The following WWP2 variants were observed in gnomAD, a reference collection of about 807,000 sequenced individuals.
The protein encoded by WWP2 is NEDD4-like E3 ubiquitin-protein ligase WWP2.
WWP2 carries 57 observed loss-of-function variants against 121.0 expected under a neutral mutation model. The observed-to-expected ratio is 0.47, with a 90% CI of 0.38 to 0.59. WWP2 has a LOEUF of 0.59. Among genes scored for constraint, WWP2 ranks in the 20% least tolerant of loss-of-function variants. The pLI, the probability that WWP2 is intolerant of heterozygous loss-of-function variation, is 0.00. For synonymous variants in WWP2, 449 were observed against 441.3 expected, an observed-to-expected ratio of 1.02 and a Z score of -0.22; for missense variants, 962 against 1,158.9, an observed-to-expected ratio of 0.83 and a Z score of 2.47.
intron 21 of WWP2, 84 bp from the exon 22 acceptor site, chr16:69,938,943 C>T (rs2058838303): frequency 3.0e-6 from 4 of 1,327,620 alleles, no homozygotes; most frequent in Non-Finnish European, 3.2e-6. Context: ...AAGAGGGGCC[C>T]CGCTGAGCTA....
At position 69,937,582 on chromosome 16, in the gene WWP2, G is replaced by A. The variant is rs201469783; in HGVS notation, c.2273G>A (p.Ser758Asn). Residue 758 changes from serine to asparagine, a missense_variant, in exon 21 of 24, where the codon AGC becomes AAC. By Grantham distance (46) the Ser-to-Asn change is conservative. This residue lies in a region of WWP2 where 606 missense variants were observed against 772.6 expected (regional missense o/e 0.78). Coordinates refer to ENST00000359154, the MANE Select transcript of WWP2 (RefSeq NM_001270454.2). This position sits in a 1 kb window ranked among gnomAD's most constrained non-coding sequence, Gnocchi z 6.6. ...MLCGMQEIDM[S>N]DWQKSTIYRH... is the part of the protein sequence containing the mutation. ...TGCGGCATGCAGGAGATAGACATGA[G>A]CGACTGGCAGAAGAGCACCATCTAC... The A allele has an allele frequency of 1.7e-5, 27 of 1,613,886 alleles. No individual in the cohort carries two copies. The highest frequency in any genetic ancestry group is 2.3e-5 in the Non-Finnish European group (27 of 1,180,016).
At chr16:69,879,964 G>T (rs2057797056) in intron 7 of WWP2, among the ~76,000 whole-genome samples, 1 of 151,676 alleles carries the variant, frequency 6.6e-6, no homozygotes, top group African/African-American at 2.4e-5. Context: ...CGTCAATAAT[G>T]TAAAAGTTCT....
intron 11 of WWP2, among the ~76,000 whole-genome samples, chr16:69,928,534 G>A (rs1375640024): frequency 6.6e-6 from 1 of 152,148 alleles, no homozygotes; most frequent in Non-Finnish European, 1.5e-5. Flanking sequence ...AGATTGTTCA[G>A]AGCAGAGGAA....
At chr16:69,860,575 T>C (rs1159287947) in intron 6 of WWP2, among the ~76,000 whole-genome samples, 1 of 152,200 alleles carries the variant, frequency 6.6e-6, no homozygotes, top group Non-Finnish European at 1.5e-5. Flanking sequence ...GCCGGGCAAG[T>C]AGATCAGCAA....
intron 6 of WWP2, among the ~76,000 whole-genome samples, chr16:69,863,344 T>G (rs759026185): frequency 1.3e-5 from 2 of 152,132 alleles, no homozygotes; most frequent in Non-Finnish European, 2.9e-5. Flanking sequence ...ACTATCATAA[T>G]CAAGATACAG....
intron 4 of WWP2, among the ~76,000 whole-genome samples, chr16:69,809,809 A>G (rs949685139): frequency 2.0e-5 from 3 of 151,424 alleles, no homozygotes; most frequent in South Asian, 2.1e-4. Flanking sequence ...AGAGAGAGAG[A>G]TAGGAAGGAA....
chr16:69,910,578 T>A (rs1283727125), intron 9 of WWP2, among the ~76,000 whole-genome samples: 1 of 152,060 alleles, frequency 6.6e-6, no homozygotes, highest in Non-Finnish European at 1.5e-5. Context: ...CCCAACTAAT[T>A]TTTTGTATTT....
Position 69,924,852 on chromosome 16 carries a change from G to T in WWP2, c.1180-578G>T, listed in dbSNP as rs570237948. ...GGGCATGAATGTGCCCTCAGTCTGG[G>T]TGGACGCTGCACACCCAGATGGGAG... On this transcript the variant is annotated intron_variant, in intron 10 of 23. Coordinates refer to ENST00000359154, the MANE Select transcript of WWP2 (RefSeq NM_001270454.2). 6 of 878,946 alleles carry T rather than the reference G, an allele frequency of 6.8e-6. No individual in the cohort carries two copies. The East Asian group carries it at 4.8e-4, about 71-fold the overall frequency. 54.4% of individuals were successfully genotyped at this position (878,946 alleles called of 1,614,324 possible). A position where few individuals can be genotyped will look rare whatever the true frequency, so the allele number is the denominator to read the frequency against.
At position 69,940,731 on chromosome 16, in the gene WWP2, T is replaced by C. The variant is rs1401021033; in HGVS notation, c.*791T>C. The C allele has an allele frequency of 6.6e-6, 1 of 152,484 alleles. No individual in the cohort carries two copies. The highest frequency in any genetic ancestry group is 1.5e-5 in the Non-Finnish European group (1 of 68,012). The allele number at this position is 152,484 out of a possible 1,614,324, so 9.4% of individuals were successfully genotyped here. The stretch of plus-strand genomic sequence containing the variant: ...TCTGAGACCTTGAGGGACCCAGACC[T>C]TTGGGTCCAAGAGTTTCCCAAACAG... On this transcript the variant is annotated 3_prime_UTR_variant, in exon 24 of 24. Transcript: ENST00000359154.
At chr16:69,763,760 C>T (rs2038668739) in intron 1 of WWP2, among the ~76,000 whole-genome samples, 1 of 152,186 alleles carries the variant, frequency 6.6e-6, no homozygotes, top group African/African-American at 2.4e-5. Context: ...TTTTATTTGG[C>T]TGCTAGCCTA....
chr16:69,770,159 G>A (rs552875518), intron 1 of WWP2, among the ~76,000 whole-genome samples: 1 of 152,170 alleles, frequency 6.6e-6, no homozygotes, highest in Non-Finnish European at 1.5e-5. Context: ...ACCACACCTG[G>A]TCAGTGTCTT....
In WWP2 at chr16:69,937,670, G is replaced by T; in HGVS notation, c.2343+18G>T. 6.2e-7 allele frequency: 1 copy of T among 1,612,800 alleles called. No individual in the cohort carries two copies. ...TCTGGCAGGTGGGTCCCGGGCCCAG[G>T]CCTTGGCAGGGACATTTGGGCCATC... On this transcript the variant is annotated intron_variant, in intron 21 of 23. Transcript: ENST00000359154. The surrounding 1 kb of genome is among the most constrained non-coding windows in gnomAD (Gnocchi z 6.6).
chr16:69,810,773 G>C (rs982348044), intron 4 of WWP2, among the ~76,000 whole-genome samples: 1 of 86,054 alleles, frequency 1.2e-5, no homozygotes, highest in African/African-American at 5.1e-5. Flanking sequence ...TTTTTTTTTT[G>C]AGACGGAGTC....
intron 2 of WWP2, among the ~76,000 whole-genome samples, 154 bp from the exon 3 acceptor site, chr16:69,798,528 A>G (rs1416297060): frequency 6.6e-6 from 1 of 150,512 alleles, no homozygotes; most frequent in Non-Finnish European, 1.5e-5. Flanking sequence ...GTGTGTACTC[A>G]CATTTCTTTA....
intron 4 of WWP2, among the ~76,000 whole-genome samples, chr16:69,816,388 C>T (rs141348088): frequency 6.6e-6 from 1 of 150,434 alleles, no homozygotes; most frequent in African/African-American, 2.4e-5. Flanking sequence ...GCAAGACCAG[C>T]GTGGGCAACA....
At position 69,790,793 on chromosome 16, in the gene WWP2, C is replaced by A. The variant is rs539115228; in HGVS notation, c.70+3713C>A. Among the ~76,000 whole-genome samples the A allele has an allele frequency of 1.0e-3, 154 of 152,126 alleles. 3 individuals carry two copies. The South Asian group carries it at 0.019, about 18-fold the overall frequency. ...GTTTTGCTATGTTGGCCAGGCTGGT[C>A]TCGAACTTCTGACCTCAAGTGATCC... On this transcript the variant is annotated intron_variant, in intron 2 of 23. Transcript: ENST00000359154.
At chr16:69,838,575 G>A (rs950991799) in intron 4 of WWP2, among the ~76,000 whole-genome samples, 3 of 152,160 alleles carry the variant, frequency 2.0e-5, no homozygotes, top group Non-Finnish European at 4.4e-5. Context: ...TCAGGATGTG[G>A]ACTAAGCTGT....
At chr16:69,819,736 G>C (rs760986974) in intron 4 of WWP2, among the ~76,000 whole-genome samples, 31 of 151,832 alleles carry the variant, frequency 2.0e-4, no homozygotes, top group Middle Eastern at 6.8e-3. Flanking sequence ...TGTAATTCAG[G>C]GATTTTAAAA....
At position 69,804,591 on chromosome 16, in the gene WWP2, GT is replaced by G. The variant is rs761316377; in HGVS notation, c.340+5300del. Among the ~76,000 whole-genome samples, 15 of 152,056 alleles carry G rather than the reference GT, an allele frequency of 9.9e-5. 1 individual carries two copies. The highest frequency in any genetic ancestry group is 1.8e-4 in the Non-Finnish European group (12 of 68,018). ...TCTGTCTATGCTATTGTAAAATTATGTTTTAATATCTGGCAGTTAAGTTTCT... is the reference window on the plus strand; with the variant it reads ...TCTGTCTATGCTATTGTAAAATTATGTTTAATATCTGGCAGTTAAGTTTCT... On this transcript the variant is annotated intron_variant, in intron 4 of 23. Coordinates refer to ENST00000359154, the MANE Select transcript of WWP2 (RefSeq NM_001270454.2).
Sources: gnomAD v4.1 joint callset for allele counts (sites outside exome capture counted in the v4.1 genomes callset) on GRCh38, gnomAD v4.1.1 for gene constraint, gnomAD v4.1.1 regional missense constraint, Gnocchi (gnomAD v3.1) non-coding constraint, MANE v1.5 for transcripts, NCBI Gene and HGNC (gene_info 2026-07-23, HGNC 2026-07-21) for gene names.